The following CSK variants were observed in gnomAD, a reference collection of about 807,000 sequenced individuals.
CSK encodes tyrosine-protein kinase CSK.
A neutral mutation model predicts 62.3 loss-of-function variants in CSK; 7 were observed. The observed-to-expected ratio is 0.11, with a 90% confidence interval of 0.06 to 0.21. The LOEUF (loss-of-function observed/expected upper bound fraction) is 0.21, where lower values mean the gene tolerates loss of function less well. Ranked by LOEUF, CSK falls within the 10% of genes least tolerant of loss-of-function variation. The probability of loss-of-function intolerance (pLI) is 1.00; values close to 1 mark genes in which losing one functional copy is unlikely to be tolerated. For synonymous variants in CSK, 237 were observed against 246.0 expected, an observed-to-expected ratio of 0.96 and a Z score of 0.34; for missense variants, 294 against 613.5, an observed-to-expected ratio of 0.48 and a Z score of 5.50.
chr15:74,802,379 G>A lies in CSK; in HGVS notation c.1219G>A (p.Ala407Thr), dbSNP rs756556608. ...PRVEKGYKMD[A>T]PDGCPPAVYE... ...GGTGGAGAAGGGCTACAAGATGGAT[G>A]CCCCCGACGGCTGCCCGCCCGCAGT... The change falls in exon 13 of 13, where the codon GCC becomes ACC. Residue 407 changes from alanine to threonine, a missense_variant. Ala to Thr is a moderately conservative substitution (Grantham distance 58). Coordinates refer to ENST00000220003, the MANE Select transcript of CSK (RefSeq NM_004383.3). 1.6e-5 allele frequency: 26 copies of A among 1,609,946 alleles called. No individual in the cohort carries two copies. Among genetic ancestry groups the A allele is most frequent in the Non-Finnish European group, 2.0e-5 (24 of 1,179,124 alleles).
At chr15:74,795,031 G>A (rs967264258) in intron 1 of CSK, among the ~76,000 whole-genome samples, 1 of 152,154 alleles carries the variant, frequency 6.6e-6, no homozygotes, top group African/African-American at 2.4e-5. Context: ...AGCCCCAGAT[G>A]GGCAGGGTCT....
At chr15:74,787,359 G>T (rs899897192) in intron 1 of CSK, among the ~76,000 whole-genome samples, 2 of 152,066 alleles carry the variant, frequency 1.3e-5, no homozygotes, top group Admixed American at 6.6e-5. Flanking sequence ...AGTTGGGGGG[G>T]TGCTCTTTTA....
At chr15:74,799,247 G>T in intron 4 of CSK, 25 bp from the exon 5 acceptor site, 1 of 1,590,996 alleles carries the variant, frequency 6.3e-7, no homozygotes. Context: ...GGGCCACCAT[G>T]ACCTCCAGCC....
At chr15:74,791,015 AAAT>A (rs963118456) in intron 1 of CSK, 1 of 152,262 alleles carries the variant, frequency 6.6e-6, no homozygotes, top group African/African-American at 2.4e-5. Flanking sequence ...GGCTTTAAAA[AAAT>A]AATAATAATT....
chr15:74,799,191 A>G (rs1596372365), intron 4 of CSK, 81 bp from the exon 5 acceptor site: 2 of 1,438,032 alleles, frequency 1.4e-6, no homozygotes, highest in East Asian at 2.3e-5. Flanking sequence ...ACGGGTGCCA[A>G]GCAGAGGGAA....
chr15:74,801,466 T>G, intron 9 of CSK, 56 bp from the exon 10 acceptor site: 2 of 1,552,160 alleles, frequency 1.3e-6, no homozygotes, highest in Non-Finnish European at 1.8e-6. Flanking sequence ...GCGTGCTGTG[T>G]GAGAGGGCTG....
intron 1 of CSK, among the ~76,000 whole-genome samples, chr15:74,788,153 C>T (rs1327424020): frequency 6.6e-6 from 1 of 152,220 alleles, no homozygotes; most frequent in East Asian, 1.9e-4. Flanking sequence ...TTGTTTGAAG[C>T]TTCTGCCCTC....
intron 8 of CSK, 21 bp downstream of exon 8, chr15:74,800,943 G>A: frequency 1.2e-6 from 2 of 1,612,864 alleles, no homozygotes; most frequent in Non-Finnish European, 1.7e-6. Flanking sequence ...GCGGGGTAGG[G>A]GGGAGGTTGG....
intron 1 of CSK, among the ~76,000 whole-genome samples, chr15:74,790,271 C>G (rs1206731986): frequency 6.6e-6 from 1 of 152,238 alleles, no homozygotes; most frequent in African/African-American, 2.4e-5. Flanking sequence ...CTCCCACGCC[C>G]CATTAGGCAG....
At chr15:74,785,443 C>A (rs1341718550) in intron 1 of CSK, among the ~76,000 whole-genome samples, 1 of 152,184 alleles carries the variant, frequency 6.6e-6, no homozygotes, top group African/African-American at 2.4e-5. Flanking sequence ...CAACTTGGCA[C>A]CCAACTGAAT....
intron 1 of CSK, among the ~76,000 whole-genome samples, chr15:74,797,482 C>CT (rs750912213): frequency 2.0e-5 from 3 of 152,138 alleles, no homozygotes; most frequent in African/African-American, 4.8e-5. Flanking sequence ...CGAGATTGTG[C>CT]TACTGCACTC....
In CSK at chr15:74,802,683, C is replaced by T; in HGVS notation, c.*170C>T. The T allele has an allele frequency of 1.3e-6, 1 of 790,982 alleles. No homozygotes were observed. Among genetic ancestry groups the T allele is most frequent in the Non-Finnish European group, 1.9e-6 (1 of 537,082 alleles). The allele number at this position is 790,982 out of a possible 1,614,324, so 49.0% of individuals were successfully genotyped here. A position where few individuals can be genotyped will look rare whatever the true frequency, so the allele number is the denominator to read the frequency against. Reference sequence around the variant, plus strand: ...CCGGCCCCGTCTCTCTTGGACCCACCTGTGGGGCCTGGGGAGCCCACTGAG... The same window carrying T: ...CCGGCCCCGTCTCTCTTGGACCCACTTGTGGGGCCTGGGGAGCCCACTGAG... On this transcript the variant is annotated 3_prime_UTR_variant, in exon 13 of 13. Transcript: ENST00000220003.
In CSK at chr15:74,800,727, C is replaced by T. The variant is rs745648242; in HGVS notation, c.603C>T (p.Ile201=). ...NMKELKLLQT[I]GKGEFGDVML... ...AGGAGCTGAAGCTGCTGCAGACCATCGGGAAGGGGGAGTTCGGAGGTGAGC... is the reference window on the plus strand; with the variant it reads ...AGGAGCTGAAGCTGCTGCAGACCATTGGGAAGGGGGAGTTCGGAGGTGAGC... Residue 201 remains isoleucine (I), a synonymous_variant, in exon 7 of 13, where the codon ATC becomes ATT. Coordinates refer to ENST00000220003, the MANE Select transcript of CSK (RefSeq NM_004383.3). 21 of 1,570,700 alleles carry T rather than the reference C, an allele frequency of 1.3e-5. No homozygotes were observed. Among genetic ancestry groups the T allele is most frequent in the East Asian group, 2.4e-5 (1 of 42,378 alleles).
At chr15:74,791,805 G>GC (rs532072902) in intron 1 of CSK, among the ~76,000 whole-genome samples, 66 of 152,120 alleles carry the variant, frequency 4.3e-4, no homozygotes, top group South Asian at 3.7e-3. Flanking sequence ...TGGCAGGAAC[G>GC]CCCCCCCGGG....
chr15:74,796,794 T>C (rs186134917), intron 1 of CSK, among the ~76,000 whole-genome samples: 36 of 152,270 alleles, frequency 2.4e-4, no homozygotes, highest in Non-Finnish European at 2.9e-4. Flanking sequence ...GAGGTCCCCT[T>C]GCATTCCTTC....
rs536939856 is a variant in CSK at position 74,786,002 on chromosome 15, C to CTTTTTTTTTT, written c.-66+3285_-66+3294dup. Among the ~76,000 whole-genome samples, 114 of 73,598 alleles carry CTTTTTTTTTT rather than the reference C, an allele frequency of 1.5e-3. 19 individuals carry two copies. Among genetic ancestry groups the CTTTTTTTTTT allele is most frequent in the South Asian group, 0.015 (31 of 2,024 alleles). 48.3% of individuals were successfully genotyped at this position (73,598 alleles called of 152,430 possible). On this transcript the variant is annotated intron_variant, in intron 1 of 12. Transcript: ENST00000220003. ...AGGCCTCTTCTCTCTCTCTCTCTCT[C>CTTTTTTTTTT]TTTTTTTTTTTTGTGTGTGTGTGTG...
In CSK at chr15:74,800,515, C is replaced by CCCCTGCGGTG; in HGVS notation, c.556+13_556+14insTGCGGTGCCC. 1 of 1,611,808 alleles carries CCCCTGCGGTG rather than the reference C, an allele frequency of 6.2e-7. No homozygotes were observed. Among genetic ancestry groups the CCCCTGCGGTG allele is most frequent in the Non-Finnish European group, 8.5e-7 (1 of 1,179,062 alleles). On this transcript the variant is annotated intron_variant, in intron 6 of 12. Coordinates refer to ENST00000220003, the MANE Select transcript of CSK (RefSeq NM_004383.3). ...GATGAGTTCTACCGCAGTGAGTGCA[C>CCCCTGCGGTG]CCCACCCCAGACCTCTTGCCCACCC...
chr15:74,793,619 A>G (rs1239743791), intron 1 of CSK, among the ~76,000 whole-genome samples: 2 of 152,206 alleles, frequency 1.3e-5, no homozygotes, highest in South Asian at 4.1e-4. Context: ...GGGGATAATA[A>G]TAGCTTCTCT....
intron 1 of CSK, among the ~76,000 whole-genome samples, chr15:74,790,617 G>A (rs776342640): frequency 6.6e-6 from 1 of 152,368 alleles, no homozygotes; most frequent in Non-Finnish European, 1.5e-5. Context: ...CTAGCCCTGC[G>A]GGAATGGGGT....
Sources: allele counts gnomAD v4.1 joint callset (sites outside exome capture counted in the v4.1 genomes callset), GRCh38; gene constraint gnomAD v4.1.1; transcripts MANE v1.5; gene names NCBI Gene and HGNC (gene_info 2026-07-23, HGNC 2026-07-21).